The following RGS6 variants were observed in gnomAD, a reference collection of about 807,000 sequenced individuals.
RGS6 encodes the protein regulator of G protein signaling 6.
Under a neutral mutation model 78.5 loss-of-function variants are expected in RGS6, and 30 were observed. The observed-to-expected ratio is 0.38, with a 90% CI of 0.29 to 0.52. The LOEUF (loss-of-function observed/expected upper bound fraction) is 0.52. Ranked by LOEUF, RGS6 falls within the 20% of genes least tolerant of loss-of-function variation. RGS6 has a pLI of 0.85. For missense variants in RGS6, 495 were observed against 609.7 expected (o/e 0.81, Z 1.98); for synonymous variants, 206 against 206.0 (o/e 1.00, Z 0.00).
In RGS6 at chr14:72,165,010, G is replaced by A. The variant is rs541235637; in HGVS notation, c.85-187085G>A. Reference sequence around the variant, plus strand: ...GTCAGGGTGGAGGTGAGACCAGGAAGGTTGGAGCTCATGAAAGGTCCTCCT... The same window carrying A: ...GTCAGGGTGGAGGTGAGACCAGGAAAGTTGGAGCTCATGAAAGGTCCTCCT... On this transcript the variant is annotated intron_variant, in intron 2 of 17. Coordinates refer to ENST00000553525, the MANE Select transcript of RGS6 (RefSeq NM_001204424.2). Among the ~76,000 whole-genome samples the A allele has an allele frequency of 3.9e-5, 6 of 152,284 alleles. No individual in the cohort carries two copies. The East Asian group carries it at 5.8e-4, about 15-fold the overall frequency.
chr14:72,217,396 A>G (rs928200826), intron 2 of RGS6, among the ~76,000 whole-genome samples: 1 of 152,198 alleles, frequency 6.6e-6, no homozygotes, highest in African/African-American at 2.4e-5. Flanking sequence ...TGGGATTCTC[A>G]CAGTGTGGTA....
At chr14:72,388,836 C>T (rs1422873825) in intron 3 of RGS6, among the ~76,000 whole-genome samples, 1 of 152,150 alleles carries the variant, frequency 6.6e-6, no homozygotes, top group Non-Finnish European at 1.5e-5. Flanking sequence ...TAGAGCTATT[C>T]ATAATAGTAT....
At chr14:72,567,926 C>T (rs1241543143), downstream of RGS6, among the ~76,000 whole-genome samples, 1 of 152,218 alleles carries the variant, frequency 6.6e-6, no homozygotes, top group Non-Finnish European at 1.5e-5. Flanking sequence ...TCAGCGCCCA[C>T]AATGGGGGTT....
the RGS6 span, among the ~76,000 whole-genome samples, chr14:72,612,915 C>T: frequency 6.6e-6 from 1 of 152,072 alleles, no homozygotes; most frequent in Non-Finnish European, 1.5e-5. Context: ...AGGAAAGATG[C>T]ACCTTGCCTG....
At chr14:72,432,601 A>G (rs1290021122) in intron 3 of RGS6, among the ~76,000 whole-genome samples, 1 of 152,216 alleles carries the variant, frequency 6.6e-6, no homozygotes, top group Non-Finnish European at 1.5e-5. Flanking sequence ...CAGTAACCTC[A>G]TAATGCATTC....
chr14:72,579,393 C>A, the RGS6 span, among the ~76,000 whole-genome samples: 2 of 152,298 alleles, frequency 1.3e-5, no homozygotes, highest in East Asian at 1.9e-4. Flanking sequence ...GCTGCTGCAC[C>A]AGACAAAAAG....
At chr14:72,387,051 A>G (rs2088317280) in intron 3 of RGS6, among the ~76,000 whole-genome samples, 1 of 152,140 alleles carries the variant, frequency 6.6e-6, no homozygotes, top group South Asian at 2.1e-4. Flanking sequence ...TGTGCTTAAA[A>G]CACTGACTAT....
intron 1 of RGS6, among the ~76,000 whole-genome samples, chr14:71,943,309 A>G (rs1196283619): frequency 6.6e-6 from 1 of 152,218 alleles, no homozygotes; most frequent in African/African-American, 2.4e-5. Context: ...TGTGACCATG[A>G]GAATAGAGGA....
At chr14:72,474,466 A>G (rs2096180068) in intron 9 of RGS6, among the ~76,000 whole-genome samples, 159 bp from the exon 10 acceptor site, 1 of 152,096 alleles carries the variant, frequency 6.6e-6, no homozygotes, top group African/African-American at 2.4e-5. Flanking sequence ...TCGTATGGGA[A>G]CTCCACAGAG....
intron 2 of RGS6, among the ~76,000 whole-genome samples, chr14:72,309,979 A>G (rs1179418715): frequency 6.6e-6 from 1 of 152,146 alleles, no homozygotes; most frequent in Non-Finnish European, 1.5e-5. Context: ...ATTGATATCA[A>G]CTGAGTTTTC....
At chr14:72,340,422 C>T (rs924360497) in intron 2 of RGS6, among the ~76,000 whole-genome samples, 3 of 152,118 alleles carry the variant, frequency 2.0e-5, no homozygotes, top group Non-Finnish European at 4.4e-5. Context: ...GCCCCAAATG[C>T]GTAGAATCAC....
At chr14:72,230,812 C>G (rs1008850351) in intron 2 of RGS6, among the ~76,000 whole-genome samples, 2 of 152,144 alleles carry the variant, frequency 1.3e-5, no homozygotes, top group Non-Finnish European at 2.9e-5. Flanking sequence ...CCTTTACTGA[C>G]AGTCAGCTGA....
At chr14:72,193,653 G>A (rs2039287374) in intron 2 of RGS6, among the ~76,000 whole-genome samples, 1 of 152,232 alleles carries the variant, frequency 6.6e-6, no homozygotes, top group Non-Finnish European at 1.5e-5. Context: ...AAATGAAGGA[G>A]AACAGAGATA....
chr14:71,876,257 C>G, the RGS6 span, among the ~76,000 whole-genome samples: 2 of 151,946 alleles, frequency 1.3e-5, no homozygotes, highest in African/African-American at 4.8e-5. Context: ...TTAAAGTCTC[C>G]CATTATTATT....
intron 3 of RGS6, among the ~76,000 whole-genome samples, chr14:72,359,649 A>G (rs2081082362): frequency 1.3e-5 from 2 of 152,220 alleles, no homozygotes; most frequent in Non-Finnish European, 2.9e-5. Flanking sequence ...ACTCCAATCT[A>G]TAGATGTGAG....
At chr14:72,366,237 C>G (rs1213528701) in intron 3 of RGS6, among the ~76,000 whole-genome samples, 3 of 152,090 alleles carry the variant, frequency 2.0e-5, no homozygotes, top group African/African-American at 7.2e-5. Flanking sequence ...TAGGTGAATT[C>G]ACAGGTATTG....
intron 3 of RGS6, among the ~76,000 whole-genome samples, chr14:72,413,142 T>G (rs548013852): frequency 1.1e-3 from 162 of 152,282 alleles, no homozygotes; most frequent in African/African-American, 3.4e-3. Context: ...TCTGTCTCGT[T>G]GATCTGTCTA....
At chr14:72,540,567 C>G in intron 17 of RGS6, 1 of 1,543,060 alleles carries the variant, frequency 6.5e-7, no homozygotes, top group Non-Finnish European at 8.7e-7. Flanking sequence ...GCTAATGTTG[C>G]TGTGTAGGCG....
chr14:72,375,480 G>T (rs1055952424), intron 3 of RGS6, among the ~76,000 whole-genome samples: 6 of 152,142 alleles, frequency 3.9e-5, no homozygotes, highest in Non-Finnish European at 7.3e-5. Flanking sequence ...TGGCTGAGCA[G>T]CTGTGCACCC....
Sources: gnomAD v4.1 joint callset for allele counts (sites outside exome capture counted in the v4.1 genomes callset) on GRCh38, gnomAD v4.1.1 for gene constraint, MANE v1.5 for transcripts, NCBI Gene and HGNC (gene_info 2026-07-23, HGNC 2026-07-21) for gene names.